The following ABAT variants were observed in gnomAD, a reference collection of about 807,000 sequenced individuals.
The protein encoded by ABAT is 4-aminobutyrate aminotransferase, mitochondrial.
Under a neutral mutation model 64.6 loss-of-function variants are expected in ABAT, and 45 were observed. The observed-to-expected ratio is 0.70, with a 90% confidence interval of 0.55 to 0.89. ABAT has a LOEUF of 0.89. Ranked by LOEUF, ABAT falls within the 40% of genes least tolerant of loss-of-function variation. ABAT has a pLI of 0.00. For missense variants in ABAT, 633 were observed against 658.4 expected, an observed-to-expected ratio of 0.96 and a Z score of 0.42; for synonymous variants, 297 against 250.5, an observed-to-expected ratio of 1.19 and a Z score of -1.75.
At chr16:8,685,491 G>A (rs779664314) in intron 1 of ABAT, among the ~76,000 whole-genome samples, 7 of 151,746 alleles carry the variant, frequency 4.6e-5, no homozygotes, top group African/African-American at 1.2e-4. Flanking sequence ...GCAACACAGC[G>A]AAACCCTGTC....
intron 1 of ABAT, among the ~76,000 whole-genome samples, chr16:8,676,417 G>A (rs1385846854): frequency 2.0e-5 from 3 of 152,040 alleles, no homozygotes; most frequent in Non-Finnish European, 4.4e-5. Context: ...TTACAATGGG[G>A]ACTTGGGGAC....
rs377682138 is a variant in ABAT at position 8,781,385 on chromosome 16, C to T, written c.1458C>T (p.His486=). The part of the protein sequence containing the change: ...PTLVFRDHHA[H]LFLNIFSDIL... ...TGGTCTTCAGGGATCACCACGCTCA[C>T]CTGTTCCTCAATATTTTCAGTGACA... Residue 486 remains histidine, a synonymous_variant, in exon 16 of 16, where the codon CAC becomes CAT. Coordinates refer to ENST00000268251, the MANE Select transcript of ABAT (RefSeq NM_020686.6). The surrounding 1 kb of genome is among the most constrained non-coding windows in gnomAD (Gnocchi z 4.5). 1.2e-6 allele frequency: 2 copies of T among 1,614,084 alleles called. No individual in the cohort carries two copies. Among genetic ancestry groups the T allele is most frequent in the Non-Finnish European group, 1.7e-6 (2 of 1,180,042 alleles).
At chr16:8,752,566 C>T (rs146944825) in intron 5 of ABAT, among the ~76,000 whole-genome samples, 488 of 152,288 alleles carry the variant, frequency 3.2e-3, no homozygotes, top group Non-Finnish European at 5.5e-3. Flanking sequence ...TAAGACCAAT[C>T]TGGGCATTAT....
intron 11 of ABAT, among the ~76,000 whole-genome samples, chr16:8,771,100 A>AGCCT (rs1299647854): frequency 6.6e-6 from 1 of 152,126 alleles, no homozygotes. Flanking sequence ...GTTCAAGAGC[A>AGCCT]GCCTGACTAA....
chr16:8,714,538 C>G (rs2058158787), intron 1 of ABAT: 1 of 152,202 alleles, frequency 6.6e-6, no homozygotes, highest in Non-Finnish European at 1.5e-5. Flanking sequence ...AGCCTATGCC[C>G]CAAGAGGCAA....
chr16:8,748,163 T>G, intron 4 of ABAT, 26 bp downstream of exon 4: 1 of 1,605,990 alleles, frequency 6.2e-7, no homozygotes, highest in Non-Finnish European at 8.5e-7. Flanking sequence ...GTAACTTTCC[T>G]TCTGTTGCTT....
chr16:8,777,134 C>T (rs2060289422), intron 14 of ABAT, among the ~76,000 whole-genome samples: 1 of 152,184 alleles, frequency 6.6e-6, no homozygotes, highest in South Asian at 2.1e-4. Flanking sequence ...CCCCCGACCT[C>T]AGGTGATCCG....
chr16:8,687,122 A>G (rs776396610), intron 1 of ABAT, among the ~76,000 whole-genome samples: 12 of 151,944 alleles, frequency 7.9e-5, no homozygotes, highest in Non-Finnish European at 1.6e-4. Context: ...TTGTGGAGAG[A>G]GAGGGAAACA....
chr16:8,718,487 C>G (rs1195457989), intron 1 of ABAT, among the ~76,000 whole-genome samples: 1 of 152,188 alleles, frequency 6.6e-6, no homozygotes, highest in Non-Finnish European at 1.5e-5. Flanking sequence ...AGTTCAGTTC[C>G]TGTAGTTGTC....
At chr16:8,699,947 G>C (rs1274575049) in intron 1 of ABAT, among the ~76,000 whole-genome samples, 1 of 152,084 alleles carries the variant, frequency 6.6e-6, no homozygotes, top group Non-Finnish European at 1.5e-5. Flanking sequence ...CCAAGTAGCT[G>C]TGACTATAGG....
intron 1 of ABAT, among the ~76,000 whole-genome samples, chr16:8,698,109 T>C (rs1454794170): frequency 1.3e-5 from 2 of 152,170 alleles, no homozygotes; most frequent in African/African-American, 4.8e-5. Context: ...TTTATTCTCT[T>C]ACAGTTCTAG....
At chr16:8,723,069 C>T (rs1305254203) in intron 1 of ABAT, among the ~76,000 whole-genome samples, 1 of 152,074 alleles carries the variant, frequency 6.6e-6, no homozygotes, top group African/African-American at 2.4e-5. Flanking sequence ...CCTGTCTCTA[C>T]AAAACATACA....
At chr16:8,681,183 G>C (rs1389732331) in intron 1 of ABAT, among the ~76,000 whole-genome samples, 1 of 152,026 alleles carries the variant, frequency 6.6e-6, no homozygotes, top group Non-Finnish European at 1.5e-5. Context: ...TTGAGATGGA[G>C]TCTCCCTATG....
At chr16:8,698,351 G>C (rs999323129) in intron 1 of ABAT, among the ~76,000 whole-genome samples, 9 of 141,880 alleles carry the variant, frequency 6.3e-5, no homozygotes, top group Non-Finnish European at 1.2e-4. Context: ...TTTTTTCTTT[G>C]AGACGGAGTT....
intron 1 of ABAT, among the ~76,000 whole-genome samples, chr16:8,694,952 C>T (rs2057668809): frequency 6.6e-6 from 1 of 152,208 alleles, no homozygotes; most frequent in South Asian, 2.1e-4. Flanking sequence ...TCTGCCTTCC[C>T]CGACTTCCTC....
chr16:8,679,830 G>A (rs1488957367), intron 1 of ABAT, among the ~76,000 whole-genome samples: 1 of 152,108 alleles, frequency 6.6e-6, no homozygotes, highest in African/African-American at 2.4e-5. Flanking sequence ...TGCTGCAGGA[G>A]CTTTTAACAG....
At chr16:8,779,752 C>T (rs369623201) in intron 15 of ABAT, among the ~76,000 whole-genome samples, 162 bp downstream of exon 15, 9 of 152,272 alleles carry the variant, frequency 5.9e-5, no homozygotes, top group African/African-American at 2.2e-4. Context: ...GAGAACATTA[C>T]AAATGGGATT....
chr16:8,768,809 G>T lies in ABAT; in HGVS notation c.668-16G>T, dbSNP rs1415821840. ...CCCCAAGCCAAGCGTCTGCTTTTCT[G>T]TTTTGCTGAACTCAGGTTGCTTAGC... On this transcript the variant is annotated splice_polypyrimidine_tract_variant and intron_variant, in intron 10 of 15. Coordinates refer to ENST00000268251, the MANE Select transcript of ABAT (RefSeq NM_020686.6). 1 of 1,614,072 alleles carries T rather than the reference G, an allele frequency of 6.2e-7. No homozygotes were observed.
At chr16:8,730,686 G>T (rs4984998) in intron 1 of ABAT, among the ~76,000 whole-genome samples, 1 of 151,934 alleles carries the variant, frequency 6.6e-6, no homozygotes, top group South Asian at 2.1e-4. Context: ...TGTGGGGCTG[G>T]GTAGAGTTAG....
Sources: allele counts gnomAD v4.1 joint callset (sites outside exome capture counted in the v4.1 genomes callset), GRCh38; gene constraint gnomAD v4.1.1; non-coding constraint Gnocchi (gnomAD v3.1); transcripts MANE v1.5; gene names NCBI Gene and HGNC (gene_info 2026-07-23, HGNC 2026-07-21).